Variants in PHC2 observed in about 807,000 individuals in gnomAD.
PHC2 encodes polyhomeotic-like protein 2.
In PHC2, 29 loss-of-function variants were observed where a neutral mutation model predicts 87.4. The observed-to-expected ratio is 0.33, with a 90% CI of 0.25 to 0.45. PHC2 has a LOEUF of 0.45. PHC2 is among the 20% of genes least tolerant of loss of function. The pLI, the probability that PHC2 is intolerant of heterozygous loss-of-function variation, is 1.00. For synonymous variants in PHC2, 438 were observed against 461.7 expected, an observed-to-expected ratio of 0.95 and a Z score of 0.66; for missense variants, 857 against 1,136.7, an observed-to-expected ratio of 0.75 and a Z score of 3.54.
At chr1:33,360,594 C>A (rs1171856326) in intron 7 of PHC2, among the ~76,000 whole-genome samples, 4 of 152,238 alleles carry the variant, frequency 2.6e-5, no homozygotes, top group Non-Finnish European at 4.4e-5. Flanking sequence ...AAGAGATTCA[C>A]TGCCTTTGCT....
In PHC2 at chr1:33,332,359, C is replaced by T; in HGVS notation, c.1807G>A (p.Ala603Thr). The T allele has an allele frequency of 2.5e-6, 4 of 1,614,192 alleles. No individual in the cohort carries two copies. In the South Asian group the frequency reaches 4.4e-5, roughly 18 times the overall value. Residue 603 changes from alanine to threonine, a missense_variant, in exon 11 of 15, where the codon GCA (alanine) becomes ACA (threonine). This residue lies in a region of PHC2 where 832 missense variants were observed against 1,081.8 expected (regional missense o/e 0.77). Transcript: ENST00000683057. This position sits in a 1 kb window ranked among gnomAD's most constrained non-coding sequence, Gnocchi z 4.2. ...LLVGNLKKKY[A>T]QGFLPEKLPQ... is the part of the protein sequence containing the mutation. ...AGTTTCTCAGGCAGGAACCCCTGTG[C>T]ATACTTCTTCTTGAGATTCCCCACC... is the stretch of plus-strand genomic sequence containing the variant.
At chr1:33,362,588 A>G (rs1647220909) in intron 7 of PHC2, among the ~76,000 whole-genome samples, 2 of 152,306 alleles carry the variant, frequency 1.3e-5, no homozygotes, top group South Asian at 2.1e-4. Context: ...AGTGAAACAC[A>G]GGGGCACAGG....
In PHC2 at chr1:33,354,429, G is replaced by T. The variant is rs1647029191; in HGVS notation, c.1530C>A (p.Ser510Arg). ...GAGCTGGGGACGGCTGGATGTTAGG[G>T]CTCGTGGGTACAGGCAGGCCACCAG... ...AMPGGLPVPT[S>R]PNIQPSPAHE... The change falls in exon 9 of 15, where the codon AGC becomes AGA. Residue 510 changes from serine to arginine, a missense_variant. Ser to Arg is a moderately radical substitution (Grantham distance 110). Coordinates refer to ENST00000683057, the MANE Select transcript of PHC2 (RefSeq NM_001385109.1). 3 of 1,613,794 alleles carry T rather than the reference G, an allele frequency of 1.9e-6. No individual in the cohort carries two copies. The East Asian group carries it at 6.7e-5, about 36-fold the overall frequency.
intron 1 of PHC2, among the ~76,000 whole-genome samples, chr1:33,405,825 G>A (rs1204585246): frequency 1.3e-5 from 2 of 152,080 alleles, no homozygotes; most frequent in African/African-American, 4.8e-5. Context: ...CTTATTGAAT[G>A]CTAACAATAC....
At position 33,332,306 on chromosome 1, in the gene PHC2, A is replaced by AGTG. The variant is rs1041041898; in HGVS notation, c.1857_1859dup (p.Thr620dup). 2 of 1,614,016 alleles carry AGTG rather than the reference A, an allele frequency of 1.2e-6. No individual in the cohort carries two copies. The highest frequency in any genetic ancestry group is 2.7e-5 in the African/African-American group (2 of 74,908). ...GATAGGGCTCCTCCATCTCCGAGTC[A>AGTG]GTGGTGGTGGTGTGATCCTGCTGTG... On this transcript the variant is annotated inframe_insertion, in exon 11 of 15. Transcript: ENST00000683057. The surrounding 1 kb of genome is among the most constrained non-coding windows in gnomAD (Gnocchi z 4.2).
At chr1:33,408,659 G>T (rs1479763467) in intron 1 of PHC2, among the ~76,000 whole-genome samples, 1 of 152,056 alleles carries the variant, frequency 6.6e-6, no homozygotes, top group Non-Finnish European at 1.5e-5. Context: ...TAGAGACGGG[G>T]TTTCACCATG....
At chr1:33,393,158 G>A (rs1469866021) in intron 1 of PHC2, among the ~76,000 whole-genome samples, 1 of 152,132 alleles carries the variant, frequency 6.6e-6, no homozygotes, top group East Asian at 1.9e-4. Flanking sequence ...CTGGATCTTT[G>A]TTAGTTATCA....
intron 1 of PHC2, among the ~76,000 whole-genome samples, chr1:33,413,207 T>TC (rs1242660416): frequency 5.9e-5 from 9 of 152,068 alleles, no homozygotes; most frequent in Non-Finnish European, 7.4e-5. Context: ...CCTCAGATGA[T>TC]CCCCCCGCCT....
chr1:33,337,511 G>A lies in PHC2; in HGVS notation c.1559-3219C>T, dbSNP rs986114183. Reference sequence around the variant, plus strand: ...TGGTCTCTATCATTGAGTCAACTGCGGGCAAGTCATTGTCCCTCTCTAAGC... The same window carrying A: ...TGGTCTCTATCATTGAGTCAACTGCAGGCAAGTCATTGTCCCTCTCTAAGC... On this transcript the variant is annotated intron_variant, in intron 9 of 14. Coordinates refer to ENST00000683057, the MANE Select transcript of PHC2 (RefSeq NM_001385109.1). 1.8e-4 allele frequency among the ~76,000 whole-genome samples: 28 copies of A among 152,234 alleles called. 2 individuals carry two copies. The highest frequency in any genetic ancestry group is 1.5e-3 in the Admixed American group (23 of 15,288).
intron 9 of PHC2, among the ~76,000 whole-genome samples, chr1:33,336,053 A>T (rs1401049062): frequency 6.6e-6 from 1 of 151,258 alleles, no homozygotes; most frequent in African/African-American, 2.4e-5. Context: ...CAGTGGTGCG[A>T]CCTATGCTCA....
chr1:33,355,337 A>G (rs1249871995), intron 7 of PHC2, 84 bp from the exon 8 acceptor site: 2 of 1,265,580 alleles, frequency 1.6e-6, no homozygotes, highest in East Asian at 2.4e-5. Context: ...CCCGCATCCA[A>G]ATAAAAATGG....
chr1:33,371,996 G>A (rs1647874447), intron 3 of PHC2, among the ~76,000 whole-genome samples: 1 of 152,234 alleles, frequency 6.6e-6, no homozygotes, highest in African/African-American at 2.4e-5. Context: ...ACGCTTCCCT[G>A]GAACCCACAG....
chr1:33,378,855 C>T (rs1239293265), intron 1 of PHC2, among the ~76,000 whole-genome samples: 1 of 151,968 alleles, frequency 6.6e-6, no homozygotes, highest in Non-Finnish European at 1.5e-5. Context: ...ATTCAGTCCT[C>T]TGCTTGTAGA....
At chr1:33,414,177 T>TCACACACACACA (rs201845759) in intron 1 of PHC2, among the ~76,000 whole-genome samples, 13 of 142,856 alleles carry the variant, frequency 9.1e-5, no homozygotes, top group East Asian at 6.1e-4. Context: ...TCTCTCTCTG[T>TCACACACACACA]CACACACACA....
intron 3 of PHC2, among the ~76,000 whole-genome samples, chr1:33,371,945 A>G (rs1362958195): frequency 6.6e-6 from 1 of 152,236 alleles, no homozygotes; most frequent in Non-Finnish European, 1.5e-5. Flanking sequence ...GAGAGCAACA[A>G]TGGGCAGACA....
At chr1:33,395,032 T>C (rs569601777) in intron 1 of PHC2, among the ~76,000 whole-genome samples, 1 of 152,374 alleles carries the variant, frequency 6.6e-6, no homozygotes, top group East Asian at 1.9e-4. Context: ...TAAAAAGTCT[T>C]GTACAAATAC....
intron 9 of PHC2, among the ~76,000 whole-genome samples, chr1:33,336,164 T>A (rs1186442878): frequency 6.6e-6 from 1 of 151,912 alleles, no homozygotes; most frequent in African/African-American, 2.4e-5. Flanking sequence ...AATTTTTGTA[T>A]TTTTAGTAGG....
At chr1:33,412,089 G>T (rs1349072571) in intron 1 of PHC2, among the ~76,000 whole-genome samples, 3 of 152,140 alleles carry the variant, frequency 2.0e-5, no homozygotes, top group Admixed American at 6.5e-5. Context: ...GAGGTACTAG[G>T]AAGTGCAATA....
At chr1:33,329,271 A>ACTGGGTTCC in intron 13 of PHC2, 125 bp from the exon 14 acceptor site, 1 of 914,750 alleles carries the variant, frequency 1.1e-6, no homozygotes, top group Non-Finnish European at 1.6e-6. Context: ...CCCAGATCTA[A>ACTGGGTTCC]CAGCATCTTC....
Sources: gnomAD v4.1 joint callset for allele counts (sites outside exome capture counted in the v4.1 genomes callset) on GRCh38, gnomAD v4.1.1 for gene constraint, gnomAD v4.1.1 regional missense constraint, Gnocchi (gnomAD v3.1) non-coding constraint, MANE v1.5 for transcripts, NCBI Gene and HGNC (gene_info 2026-07-23, HGNC 2026-07-21) for gene names.